The following PPP2R2D variants were observed in gnomAD, a reference collection of about 807,000 sequenced individuals.
The protein encoded by PPP2R2D is protein phosphatase 2 regulatory subunit Bdelta.
A neutral mutation model predicts 31.1 loss-of-function variants in PPP2R2D; 9 were observed. That is an observed-to-expected ratio of 0.29 (90% confidence interval 0.17 to 0.51). PPP2R2D has a LOEUF of 0.51. Ranked by LOEUF, PPP2R2D falls within the 20% of genes least tolerant of loss-of-function variation. The pLI is 0.98. For synonymous variants in PPP2R2D, 179 were observed against 172.6 expected (o/e 1.04, Z -0.29); for missense variants, 391 against 465.6 (o/e 0.84, Z 1.48).
At chr10:131,902,773 G>A (rs1042370415) in intron 2 of PPP2R2D, among the ~76,000 whole-genome samples, 55 of 152,238 alleles carry the variant, frequency 3.6e-4, no homozygotes, top group African/African-American at 1.3e-3. Context: ...TTTGGAGACA[G>A]GGTCTCACTT....
At position 131,945,221 on chromosome 10, in the gene PPP2R2D, A is replaced by G. The variant is rs2036513209; in HGVS notation, c.656-74A>G. On this transcript the variant is annotated intron_variant, in intron 6 of 8. Coordinates refer to ENST00000455566, the MANE Select transcript of PPP2R2D (RefSeq NM_018461.5). The surrounding 1 kb of genome is among the most constrained non-coding windows in gnomAD (Gnocchi z 4.8). ...CACTGCGTGGATTATTTGGCGTCCT[A>G]TTTCGCGTGACTGAATGTAGACTAA... The G allele has an allele frequency of 1.1e-5, 16 of 1,514,966 alleles. No individual in the cohort carries two copies. The highest frequency in any genetic ancestry group is 3.8e-5 in the Admixed American group (2 of 52,308). 93.8% of individuals were successfully genotyped at this position (1,514,966 alleles called of 1,614,324 possible).
At chr10:131,910,193 AC>A (rs1309822841) in intron 2 of PPP2R2D, among the ~76,000 whole-genome samples, 1 of 152,056 alleles carries the variant, frequency 6.6e-6, no homozygotes, top group Non-Finnish European at 1.5e-5. Flanking sequence ...TTCCGTCAGA[AC>A]CCTGAGGTCT....
chr10:131,971,365 C>A, the PPP2R2D span: 1 of 245,876 alleles, frequency 4.1e-6, no homozygotes, highest in Non-Finnish European at 8.0e-6. Context: ...GAAAACGGCT[C>A]AAAACAGGGA....
intron 2 of PPP2R2D, among the ~76,000 whole-genome samples, chr10:131,909,496 T>G (rs2035648987): frequency 6.6e-6 from 1 of 152,210 alleles, no homozygotes; most frequent in African/African-American, 2.4e-5. Flanking sequence ...AAATGGTAAG[T>G]ATCTTAGACT....
chr10:131,953,951 A>T (rs9314879), intron 8 of PPP2R2D, among the ~76,000 whole-genome samples: 62 of 151,992 alleles, frequency 4.1e-4, no homozygotes, highest in Non-Finnish European at 1.8e-4. Context: ...AAAACACGCC[A>T]GTCTTCCTAC....
chr10:131,944,214 C>T (rs1440560324), intron 6 of PPP2R2D, 69 bp downstream of exon 6: 10 of 1,276,660 alleles, frequency 7.8e-6, no homozygotes, highest in East Asian at 4.7e-5. Flanking sequence ...TCTCTCGTCC[C>T]TTTATACACC....
At chr10:131,902,022 G>T (rs1235107894) in intron 2 of PPP2R2D, among the ~76,000 whole-genome samples, 1 of 151,998 alleles carries the variant, frequency 6.6e-6, no homozygotes, top group African/African-American at 2.4e-5. Context: ...TCTCAAATTG[G>T]CCCAGGCACA....
chr10:131,950,526 C>T (rs1167755994), intron 8 of PPP2R2D, among the ~76,000 whole-genome samples: 3 of 151,832 alleles, frequency 2.0e-5, no homozygotes, highest in South Asian at 2.1e-4. Context: ...TACTCTCCAC[C>T]GCCAGCTTAG....
At chr10:131,925,940 A>G (rs1269730550) in intron 2 of PPP2R2D, among the ~76,000 whole-genome samples, 1 of 152,140 alleles carries the variant, frequency 6.6e-6, no homozygotes, top group African/African-American at 2.4e-5. Context: ...CAGCGCACAC[A>G]CAGGCCCTTA....
At chr10:131,971,026 G>C in the PPP2R2D span, 2 of 1,516,720 alleles carry the variant, frequency 1.3e-6, no homozygotes, top group South Asian at 2.3e-5. Context: ...ACACGGGAAA[G>C]CACCCAGCTC....
At chr10:131,927,570 G>T (rs2036130789) in intron 2 of PPP2R2D, among the ~76,000 whole-genome samples, 1 of 152,104 alleles carries the variant, frequency 6.6e-6, no homozygotes, top group South Asian at 2.1e-4. Flanking sequence ...ATGCAGTACT[G>T]ACTGTCGCCC....
chr10:131,967,074 T>C, the PPP2R2D span: 61 of 151,922 alleles, frequency 4.0e-4, no homozygotes, highest in African/African-American at 1.4e-3. Context: ...AGAGACGGGG[T>C]TTCATCATGT....
At chr10:131,930,827 G>A (rs1455984802) in intron 2 of PPP2R2D, among the ~76,000 whole-genome samples, 1 of 152,158 alleles carries the variant, frequency 6.6e-6, no homozygotes, top group South Asian at 2.1e-4. Context: ...TCTAGAACTC[G>A]TCAGCTGGGA....
In PPP2R2D at chr10:131,901,132, T is replaced by G; in HGVS notation, c.-17T>G. 1.6e-5 allele frequency: 4 copies of G among 255,632 alleles called. No individual in the cohort carries two copies. The highest frequency in any genetic ancestry group is 7.4e-5 in the East Asian group (1 of 13,582). 15.8% of individuals were successfully genotyped at this position (255,632 alleles called of 1,614,324 possible). A position where few individuals can be genotyped will look rare whatever the true frequency, so the allele number is the denominator to read the frequency against. ...CCTGGTCTGCCGCGGTCCCCGCCCGTCCCGCCGCCGGCTGCCATGGCAGGT... is the reference window on the plus strand; with the variant it reads ...CCTGGTCTGCCGCGGTCCCCGCCCGGCCCGCCGCCGGCTGCCATGGCAGGT... On this transcript the variant is annotated 5_prime_UTR_variant, in exon 1 of 9. Coordinates refer to ENST00000455566, the MANE Select transcript of PPP2R2D (RefSeq NM_018461.5).
At position 131,945,948 on chromosome 10, in the gene PPP2R2D, T is replaced by C. The variant is rs1309832858; in HGVS notation, c.820+489T>C. On this transcript the variant is annotated intron_variant, in intron 7 of 8. Transcript: ENST00000455566. This position sits in a 1 kb window ranked among gnomAD's most constrained non-coding sequence, Gnocchi z 4.8. Reference sequence around the variant, plus strand: ...CGAGGTCATGCTTCCCACAGGCTTATGGCTGTAGGGTGAGTGTGCTTTTGG... The same window carrying C: ...CGAGGTCATGCTTCCCACAGGCTTACGGCTGTAGGGTGAGTGTGCTTTTGG... 6.4e-6 allele frequency: 1 copy of C among 155,864 alleles called. No homozygotes were observed. Among genetic ancestry groups the C allele is most frequent in the African/African-American group, 2.4e-5 (1 of 41,456 alleles). 9.7% of individuals were successfully genotyped at this position (155,864 alleles called of 1,614,324 possible).
chr10:131,949,415 G>T (rs921646641), intron 8 of PPP2R2D, among the ~76,000 whole-genome samples: 1 of 152,162 alleles, frequency 6.6e-6, no homozygotes, highest in Non-Finnish European at 1.5e-5. Flanking sequence ...GTGAGAACAC[G>T]CATGCTGGGT....
chr10:131,940,538 T>C (rs1420109859), intron 4 of PPP2R2D, 44 bp from the exon 5 acceptor site: 1 of 714,772 alleles, frequency 1.4e-6, no homozygotes, highest in Non-Finnish European at 2.6e-6. Flanking sequence ...TGATGCATGT[T>C]ATAGTTTTTC....
At position 131,947,441 on chromosome 10, in the gene PPP2R2D, C is replaced by CT; in HGVS notation, c.821-88dup. ...GAGGCCAAGCCCTTCCAGAGTCTCT[C>CT]TGAAGGGGCCACTTCCTACTTGAAC... On this transcript the variant is annotated intron_variant, in intron 7 of 8. Transcript: ENST00000455566. This position sits in a 1 kb window ranked among gnomAD's most constrained non-coding sequence, Gnocchi z 4.3. The CT allele has an allele frequency of 7.1e-7, 1 of 1,410,590 alleles. No homozygotes were observed. The highest frequency in any genetic ancestry group is 9.6e-7 in the Non-Finnish European group (1 of 1,045,244). The allele number at this position is 1,410,590 out of a possible 1,614,324, so 87.4% of individuals were successfully genotyped here. A position where few individuals can be genotyped will look rare whatever the true frequency, so the allele number is the denominator to read the frequency against.
intron 4 of PPP2R2D, 150 bp downstream of exon 4, chr10:131,940,346 A>G (rs2036420204): frequency 1.7e-6 from 1 of 582,528 alleles, no homozygotes; most frequent in African/African-American, 1.9e-5. Flanking sequence ...GATAGGTTGA[A>G]AATTCAAAGT....
Sources: gnomAD v4.1 joint callset for allele counts (sites outside exome capture counted in the v4.1 genomes callset) on GRCh38, gnomAD v4.1.1 for gene constraint, Gnocchi (gnomAD v3.1) non-coding constraint, MANE v1.5 for transcripts, NCBI Gene and HGNC (gene_info 2026-07-23, HGNC 2026-07-21) for gene names.